Variants in SLC39A11 observed in about 807,000 individuals in gnomAD.
SLC39A11 encodes solute carrier family 39 member 11.
A neutral mutation model predicts 36.1 loss-of-function variants in SLC39A11; 33 were observed. The ratio of observed to expected loss-of-function variants is 0.91; its 90% CI spans 0.69 to 1.22. The LOEUF (loss-of-function observed/expected upper bound fraction) is 1.22. Among genes scored for constraint, SLC39A11 ranks in the 50% most tolerant of loss-of-function variants. The pLI is 0.00. For synonymous variants in SLC39A11, 166 were observed against 170.3 expected, an observed-to-expected ratio of 0.97 and a Z score of 0.20; for missense variants, 432 against 430.3, an observed-to-expected ratio of 1.00 and a Z score of -0.03.
At chr17:73,054,626 G>A (rs2059610800) in intron 3 of SLC39A11, among the ~76,000 whole-genome samples, 1 of 151,792 alleles carries the variant, frequency 6.6e-6, no homozygotes. Flanking sequence ...TGGCCAACAT[G>A]GTGAAACCCC....
intron 5 of SLC39A11, among the ~76,000 whole-genome samples, chr17:72,909,899 T>C (rs4479318): frequency 0.44 from 67,103 of 151,492 alleles, 15,649 homozygotes; most frequent in East Asian, 0.61. Context: ...GCGCCCGCCA[T>C]TACGCCCGGC....
At chr17:72,764,310 C>T (rs968404428) in intron 6 of SLC39A11, among the ~76,000 whole-genome samples, 6 of 152,150 alleles carry the variant, frequency 3.9e-5, no homozygotes, top group African/African-American at 1.4e-4. Flanking sequence ...ATTTCAAATC[C>T]TGGGCCTTCC....
At chr17:72,831,595 CT>C (rs1290970442) in intron 6 of SLC39A11, among the ~76,000 whole-genome samples, 1 of 152,246 alleles carries the variant, frequency 6.6e-6, no homozygotes, top group African/African-American at 2.4e-5. Context: ...CCAATGCTTA[CT>C]TACCATTGAT....
intron 4 of SLC39A11, among the ~76,000 whole-genome samples, chr17:72,954,482 G>T (rs545230631): frequency 4.6e-5 from 7 of 152,316 alleles, no homozygotes; most frequent in African/African-American, 1.7e-4. Context: ...ACGTGCAGTT[G>T]CCAGGGAAGG....
At chr17:72,853,268 TC>T (rs2079461744) in intron 5 of SLC39A11, among the ~76,000 whole-genome samples, 1 of 151,072 alleles carries the variant, frequency 6.6e-6, no homozygotes, top group Non-Finnish European at 1.5e-5. Flanking sequence ...ACTCAAGCGA[TC>T]CACCTGCCTT....
At chr17:72,922,190 A>G (rs2083707179) in intron 5 of SLC39A11, among the ~76,000 whole-genome samples, 1 of 152,216 alleles carries the variant, frequency 6.6e-6, no homozygotes, top group African/African-American at 2.4e-5. Context: ...TGGGTATCAA[A>G]TGATCACAGA....
chr17:72,915,060 A>C (rs2083256449), intron 5 of SLC39A11, among the ~76,000 whole-genome samples: 3 of 152,030 alleles, frequency 2.0e-5, no homozygotes, highest in Non-Finnish European at 4.4e-5. Flanking sequence ...TCCTGACCGG[A>C]GCCTCCCGGG....
chr17:72,869,865 C>G (rs1349382971), intron 5 of SLC39A11, among the ~76,000 whole-genome samples: 3 of 152,100 alleles, frequency 2.0e-5, no homozygotes, highest in African/African-American at 7.2e-5. Flanking sequence ...ACTGTCTCTC[C>G]CCTACCCCCA....
At chr17:72,717,311 C>A (rs904060844) in intron 7 of SLC39A11, among the ~76,000 whole-genome samples, 8 of 152,046 alleles carry the variant, frequency 5.3e-5, no homozygotes, top group Non-Finnish European at 8.8e-5. Flanking sequence ...AGACCCGATG[C>A]CCTGGTTTCT....
chr17:72,788,455 G>C (rs1482808082), intron 6 of SLC39A11, among the ~76,000 whole-genome samples: 2 of 152,102 alleles, frequency 1.3e-5, no homozygotes, highest in Non-Finnish European at 1.5e-5. Context: ...GGGCAACAAA[G>C]GTCAAGGAAG....
intron 6 of SLC39A11, among the ~76,000 whole-genome samples, chr17:72,751,323 GA>G (rs1219573651): frequency 6.6e-6 from 1 of 152,100 alleles, no homozygotes; most frequent in Admixed American, 6.6e-5. Flanking sequence ...TGAAGGTAAG[GA>G]AAAACAATCC....
At chr17:72,936,183 G>A (rs2084742545) in intron 5 of SLC39A11, among the ~76,000 whole-genome samples, 1 of 152,030 alleles carries the variant, frequency 6.6e-6, no homozygotes, top group Non-Finnish European at 1.5e-5. Flanking sequence ...GGGCGACAGA[G>A]TGAGATGCTA....
chr17:72,970,569 A>C (rs183038212), intron 4 of SLC39A11, among the ~76,000 whole-genome samples: 27 of 152,276 alleles, frequency 1.8e-4, no homozygotes, highest in African/African-American at 5.1e-4. Context: ...TACACACACA[A>C]AAAAAACCAA....
intron 7 of SLC39A11, among the ~76,000 whole-genome samples, chr17:72,662,608 A>AG (rs2070501691): frequency 6.8e-6 from 1 of 146,102 alleles, no homozygotes; most frequent in Non-Finnish European, 1.5e-5. Context: ...AAAAGGAAGG[A>AG]AGGAAGGAGA....
intron 3 of SLC39A11, among the ~76,000 whole-genome samples, chr17:73,043,985 G>A (rs1195506540): frequency 2.0e-5 from 3 of 151,934 alleles, no homozygotes; most frequent in East Asian, 1.9e-4. Context: ...TAAACCCAAC[G>A]GCTCAAAATT....
chr17:73,083,136 C>T (rs1203870753), intron 3 of SLC39A11, among the ~76,000 whole-genome samples: 1 of 152,018 alleles, frequency 6.6e-6, no homozygotes, highest in African/African-American at 2.4e-5. Context: ...ACCATGCCAC[C>T]CAGAGACAAG....
intron 6 of SLC39A11, among the ~76,000 whole-genome samples, chr17:72,811,530 G>A (rs77395408): frequency 6.6e-6 from 1 of 152,178 alleles, no homozygotes; most frequent in African/African-American, 2.4e-5. Context: ...ATCTTTGCCT[G>A]TCAGAGATGC....
chr17:72,739,289 G>A (rs2074572563), intron 6 of SLC39A11, among the ~76,000 whole-genome samples: 1 of 152,056 alleles, frequency 6.6e-6, no homozygotes, highest in East Asian at 1.9e-4. Context: ...ACCATGCCCA[G>A]CTAATTTTTG....
intron 6 of SLC39A11, 54 bp downstream of exon 6, chr17:72,849,580 A>G: frequency 1.4e-6 from 2 of 1,432,398 alleles, no homozygotes; most frequent in Non-Finnish European, 1.8e-6. Context: ...AACTGTGCTG[A>G]CAAATGACTT....
Sources: gnomAD v4.1 joint callset for allele counts (sites outside exome capture counted in the v4.1 genomes callset) on GRCh38, gnomAD v4.1.1 for gene constraint, MANE v1.5 for transcripts, NCBI Gene and HGNC (gene_info 2026-07-23, HGNC 2026-07-21) for gene names.